Variants in CUX1 observed in about 807,000 individuals in gnomAD.
CUX1 encodes the protein cut like homeobox 1.
CUX1 carries 31 observed loss-of-function variants against 158.8 expected under a neutral mutation model. That is an observed-to-expected ratio of 0.20 (90% CI 0.15 to 0.26). The LOEUF (loss-of-function observed/expected upper bound fraction) is 0.26, where lower values mean the gene tolerates loss of function less well. Ranked by LOEUF, CUX1 falls within the 10% of genes least tolerant of loss-of-function variation. CUX1 has a pLI of 1.00. For missense variants in CUX1, 1,589 were observed against 2,014.6 expected (o/e 0.79, Z 4.04); for synonymous variants, 879 against 862.1 (o/e 1.02, Z -0.34).
chr7:102,256,207 G>T lies in CUX1; in HGVS notation c.*7165G>T. 1 of 985,450 alleles carries T rather than the reference G, an allele frequency of 1.0e-6. No individual in the cohort carries two copies. The highest frequency in any genetic ancestry group is 1.2e-6 in the Non-Finnish European group (1 of 829,950). 61.0% of individuals were successfully genotyped at this position (985,450 alleles called of 1,614,324 possible). ...GCTGAGACCCTTCCCCAGTGTCTGA[G>T]GCCACAGCCATCCCTTCCAGCACTT... is the stretch of plus-strand genomic sequence containing the variant. On this transcript the variant is annotated 3_prime_UTR_variant, in exon 24 of 24. Transcript: ENST00000292535.
chr7:101,979,831 A>G (rs1813194811), intron 2 of CUX1, among the ~76,000 whole-genome samples: 1 of 152,014 alleles, frequency 6.6e-6, no homozygotes, highest in Non-Finnish European at 1.5e-5. Context: ...TGTATTTTTA[A>G]TAGAGATAGG....
In CUX1 at chr7:102,070,283, C is replaced by T. The variant is rs550692649; in HGVS notation, c.190-56C>T. ...AGATGTGTAATGCTTTGTAAATTAC[C>T]TCTTGACAAATGTTGAGCTCTTTGT... On this transcript the variant is annotated intron_variant, in intron 3 of 23. Transcript: ENST00000292535. 3.0e-4 allele frequency: 434 copies of T among 1,448,090 alleles called. 5 individuals are homozygous for T. In the South Asian group the frequency reaches 4.4e-3, roughly 15 times the overall value. The allele number at this position is 1,448,090 out of a possible 1,614,324, so 89.7% of individuals were successfully genotyped here. A position where few individuals can be genotyped will look rare whatever the true frequency, so the allele number is the denominator to read the frequency against.
Position 102,193,450 on chromosome 7 carries a change from G to A in CUX1, c.1077-392G>A, listed in dbSNP as rs542095133. Reference sequence around the variant, plus strand: ...AAGTTGTTAAAGTTGACAGTTCTTCGGTTCCTGGAGAGCAGGAAATTGTAA... The same window carrying A: ...AAGTTGTTAAAGTTGACAGTTCTTCAGTTCCTGGAGAGCAGGAAATTGTAA... On this transcript the variant is annotated intron_variant, in intron 12 of 23. Coordinates refer to ENST00000292535, the MANE Select transcript of CUX1 (RefSeq NM_181552.4). Among the ~76,000 whole-genome samples, 60 of 152,268 alleles carry A rather than the reference G, an allele frequency of 3.9e-4. 1 individual carries two copies. In the South Asian group the frequency reaches 1.0e-2, roughly 25 times the overall value.
At chr7:101,830,092 C>G (rs560175733) in intron 1 of CUX1, among the ~76,000 whole-genome samples, 29 of 152,292 alleles carry the variant, frequency 1.9e-4, no homozygotes, top group South Asian at 1.7e-3. Context: ...CCCCTGGGTG[C>G]TGGGGAGTGA....
At chr7:102,099,044 T>C (rs1829508381) in intron 5 of CUX1, among the ~76,000 whole-genome samples, 1 of 152,052 alleles carries the variant, frequency 6.6e-6, no homozygotes, top group East Asian at 1.9e-4. Flanking sequence ...ATGGGAATGA[T>C]CCAGAAAGCA....
At chr7:101,912,231 C>A (rs1404035019) in intron 1 of CUX1, among the ~76,000 whole-genome samples, 1 of 119,330 alleles carries the variant, frequency 8.4e-6, no homozygotes, top group Non-Finnish European at 1.7e-5. Flanking sequence ...CCCTCTTCCT[C>A]CCCCTCCCCC....
rs546455945 is a variant in CUX1 at position 102,158,627 on chromosome 7, T to C, written c.723+19T>C. On this transcript the variant is annotated intron_variant, in intron 9 of 23. Coordinates refer to ENST00000292535, the MANE Select transcript of CUX1 (RefSeq NM_181552.4). ...AAACCAGGTAGGACCCTGGACGCTT[T>C]TAGTCCTAAAACCCACAATAGCGGG... is the stretch of plus-strand genomic sequence containing the variant. 1.9e-6 allele frequency: 3 copies of C among 1,613,562 alleles called. No homozygotes were observed. Among genetic ancestry groups the C allele is most frequent in the East Asian group, 4.5e-5 (2 of 44,854 alleles).
chr7:101,976,899 G>GTTTTTTTTTTT (rs1812758993), intron 2 of CUX1, among the ~76,000 whole-genome samples: 1 of 40,748 alleles, frequency 2.5e-5, no homozygotes, highest in Non-Finnish European at 4.6e-5. Context: ...TTCCCTTTCT[G>GTTTTTTTTTTT]ATTTTTTTTT....
chr7:102,042,053 A>AGT (rs35975675), intron 3 of CUX1, among the ~76,000 whole-genome samples: 21,777 of 150,820 alleles, frequency 0.14, 1,677 homozygotes, highest in Non-Finnish European at 0.17. Flanking sequence ...TGAGTGTGTG[A>AGT]GTGTGTGTGT....
rs561344454 is a variant in CUX1 at position 102,111,560 on chromosome 7, T to C, written c.531-138T>C. ...GCGGGAGCGGGGCCCACGGCACACGTGTCGTTGCGGGCGATACCCCGTGGT... is the reference window on the plus strand; with the variant it reads ...GCGGGAGCGGGGCCCACGGCACACGCGTCGTTGCGGGCGATACCCCGTGGT... On this transcript the variant is annotated intron_variant, in intron 6 of 23. Transcript: ENST00000292535. The C allele has an allele frequency of 1.1e-5, 8 of 712,844 alleles. No homozygotes were observed. The East Asian group carries it at 1.3e-4, about 12-fold the overall frequency. 44.2% of individuals were successfully genotyped at this position (712,844 alleles called of 1,614,324 possible). A position where few individuals can be genotyped will look rare whatever the true frequency, so the allele number is the denominator to read the frequency against.
rs1327227703 is a variant in CUX1 at position 101,933,085 on chromosome 7, C to T, written c.141+16860C>T. Among the ~76,000 whole-genome samples the T allele has an allele frequency of 3.3e-5, 5 of 152,042 alleles. No individual in the cohort carries two copies. The East Asian group carries it at 5.8e-4, about 18-fold the overall frequency. ...ATGAACTGATTAGAACCAGAAGAGC[C>T]GAGAGTCATTTTTATTTTAAAATTC... On this transcript the variant is annotated intron_variant, in intron 2 of 23. Transcript: ENST00000292535.
intron 1 of CUX1, among the ~76,000 whole-genome samples, chr7:101,836,578 A>T (rs1231701857): frequency 1.3e-5 from 2 of 150,012 alleles, no homozygotes; most frequent in Non-Finnish European, 3.0e-5. Flanking sequence ...GCAGTGGCTC[A>T]TGCCTGTAAT....
At chr7:102,055,029 C>T (rs1024866657) in intron 3 of CUX1, among the ~76,000 whole-genome samples, 3 of 151,570 alleles carry the variant, frequency 2.0e-5, no homozygotes, top group African/African-American at 4.8e-5. Context: ...TGTAAATCAA[C>T]TTCGTGACTA....
chr7:102,204,404 C>G lies in CUX1; in HGVS notation c.2921C>G (p.Ser974Cys). Residue 974 changes from serine (S) to cysteine (C), a missense_variant, in exon 19 of 24, where the codon TCC becomes TGC. Physicochemically the swap from Ser to Cys is moderately radical, Grantham distance 112. Around this residue, in one of 8 missense-constraint regions of CUX1, gnomAD observed 29 missense variants for 66.6 expected, o/e 0.44. Transcript: ENST00000292535. Reference sequence around the variant, plus strand: ...GTGCCACTCCAGGTGCTGGGCCTGTCCCAGGGCAGCGTCAGCGACATGCTG... The same window carrying G: ...GTGCCACTCCAGGTGCTGGGCCTGTGCCAGGGCAGCGTCAGCGACATGCTG... ...RIFGEKVLGL[S>C]QGSVSDMLSR... 1 of 1,613,468 alleles carries G rather than the reference C, an allele frequency of 6.2e-7. No individual in the cohort carries two copies. The highest frequency in any genetic ancestry group is 1.3e-5 in the African/African-American group (1 of 75,064).
intron 17 of CUX1, chr7:102,275,421 C>A: frequency 7.6e-7 from 1 of 1,312,692 alleles, no homozygotes. Flanking sequence ...GGGGAACACA[C>A]AGGCTTTCAG....
chr7:102,220,735 C>T (rs1251187618), intron 20 of CUX1, among the ~76,000 whole-genome samples: 3 of 151,904 alleles, frequency 2.0e-5, no homozygotes, highest in Non-Finnish European at 2.9e-5. Context: ...ATCCCTCCCT[C>T]GGGCTCTCCT....
At chr7:101,842,870 C>CTTTT (rs746639349) in intron 1 of CUX1, among the ~76,000 whole-genome samples, 1 of 95,662 alleles carries the variant, frequency 1.0e-5, no homozygotes, top group Non-Finnish European at 2.2e-5. Flanking sequence ...TAAAATTATT[C>CTTTT]TATTTTTTTT....
At chr7:101,843,769 A>G (rs550681611) in intron 1 of CUX1, among the ~76,000 whole-genome samples, 1 of 152,288 alleles carries the variant, frequency 6.6e-6, no homozygotes, top group African/African-American at 2.4e-5. Flanking sequence ...ATGGTGCCAT[A>G]TAGGACTGTG....
chr7:102,139,325 C>T (rs1834213596), intron 8 of CUX1, among the ~76,000 whole-genome samples: 1 of 151,766 alleles, frequency 6.6e-6, no homozygotes, highest in African/African-American at 2.4e-5. Flanking sequence ...TGGGAAGTGC[C>T]CTACCCTGGC....
Sources: gnomAD v4.1 joint callset for allele counts (sites outside exome capture counted in the v4.1 genomes callset) on GRCh38, gnomAD v4.1.1 for gene constraint, gnomAD v4.1.1 regional missense constraint, MANE v1.5 for transcripts, NCBI Gene and HGNC (gene_info 2026-07-23, HGNC 2026-07-21) for gene names.